MTBP: variants seen among roughly 807,000 people sequenced by gnomAD.
MTBP encodes mdm2-binding protein.
MTBP carries 101 observed loss-of-function variants against 117.0 expected under a neutral mutation model. The observed-to-expected ratio is 0.86, with a 90% CI of 0.73 to 1.02. The LOEUF (loss-of-function observed/expected upper bound fraction) is 1.02. MTBP is among the 50% of genes least tolerant of loss of function. MTBP has a pLI of 0.00. For missense variants in MTBP, 970 were observed against 1,030.9 expected (o/e 0.94, Z 0.81); for synonymous variants, 350 against 351.5 (o/e 1.00, Z 0.05).
chr8:120,484,204 A>G (rs1814160640), intron 11 of MTBP, among the ~76,000 whole-genome samples: 1 of 152,176 alleles, frequency 6.6e-6, no homozygotes, highest in African/African-American at 2.4e-5. Flanking sequence ...TAAAATGGTA[A>G]ATGAATTAAG....
In MTBP at chr8:120,497,666, AAAT is replaced by A. The variant is rs559416769; in HGVS notation, c.1609+120_1609+122del. ...AAATCAAAATGTATTTCACAAATTT[AAAT>A]AATAATAGATACTTATATAGATACA... On this transcript the variant is annotated intron_variant, in intron 14 of 21. Transcript: ENST00000305949. The A allele has an allele frequency of 2.2e-4, 149 of 663,858 alleles. 1 individual carries two copies. The highest frequency in any genetic ancestry group is 2.0e-3 in the African/African-American group (110 of 54,622). The allele number at this position is 663,858 out of a possible 1,614,324, so 41.1% of individuals were successfully genotyped here. A position where few individuals can be genotyped will look rare whatever the true frequency, so the allele number is the denominator to read the frequency against.
intron 7 of MTBP, 129 bp downstream of exon 7, chr8:120,456,799 G>T: frequency 1.5e-6 from 1 of 648,528 alleles, no homozygotes; most frequent in Non-Finnish European, 2.7e-6. Context: ...AGAACTTTCT[G>T]CAATAATTAA....
intron 5 of MTBP, among the ~76,000 whole-genome samples, chr8:120,455,077 T>C (rs1425840782): frequency 6.6e-6 from 1 of 151,926 alleles, no homozygotes; most frequent in Non-Finnish European, 1.5e-5. Context: ...ACAGGTTTTT[T>C]TTTTCTCTGT....
chr8:120,513,130 G>A (rs2130616670), intron 17 of MTBP, among the ~76,000 whole-genome samples: 1 of 152,114 alleles, frequency 6.6e-6, no homozygotes, highest in South Asian at 2.1e-4. Flanking sequence ...AAAATACACT[G>A]TTTTATTAAA....
intron 1 of MTBP, among the ~76,000 whole-genome samples, 152 bp from the exon 2 acceptor site, chr8:120,446,280 AT>A (rs1813225387): frequency 6.6e-6 from 1 of 152,066 alleles, no homozygotes; most frequent in African/African-American, 2.4e-5. Flanking sequence ...ATTGCTTTAG[AT>A]TTTCTGTATC....
chr8:120,507,362 A>G (rs1288171134), intron 16 of MTBP, among the ~76,000 whole-genome samples: 1 of 152,168 alleles, frequency 6.6e-6, no homozygotes, highest in Admixed American at 6.5e-5. Context: ...CTACGTGAAT[A>G]AATTACAACT....
At chr8:120,476,318 T>A (rs145179643) in intron 11 of MTBP, among the ~76,000 whole-genome samples, 2,077 of 152,218 alleles carry the variant, frequency 0.014, 43 homozygotes, top group African/African-American at 0.046. Flanking sequence ...GGGCAAAACC[T>A]GGAAGGATTC....
chr8:120,495,400 T>C (rs1427422845), intron 13 of MTBP, among the ~76,000 whole-genome samples: 1 of 152,206 alleles, frequency 6.6e-6, no homozygotes, highest in Non-Finnish European at 1.5e-5. Flanking sequence ...AGGTTTACTC[T>C]GAGTCACACT....
chr8:120,469,778 CTTAT>C (rs1182256155), intron 10 of MTBP, among the ~76,000 whole-genome samples: 2 of 152,162 alleles, frequency 1.3e-5, no homozygotes, highest in Non-Finnish European at 2.9e-5. Context: ...CATAACCACA[CTTAT>C]TTAAGAACAT....
Position 120,456,702 on chromosome 8 carries a change from G to A in MTBP, c.747+32G>A, listed in dbSNP as rs771501523. ...GGATTATTCACAGTTTGCCAAGTAG[G>A]CCTTTCAATTTTATTTACAACACAG... On this transcript the variant is annotated intron_variant, in intron 7 of 21. Coordinates refer to ENST00000305949, the MANE Select transcript of MTBP (RefSeq NM_022045.5). The A allele has an allele frequency of 2.0e-5, 22 of 1,113,658 alleles. No homozygotes were observed. In the Admixed American group the frequency reaches 4.4e-4, roughly 22 times the overall value. The allele number at this position is 1,113,658 out of a possible 1,614,324, so 69.0% of individuals were successfully genotyped here.
At position 120,482,004 on chromosome 8, in the gene MTBP, C is replaced by T. The variant is rs76129212; in HGVS notation, c.1166-6155C>T. 5.1e-3 allele frequency among the ~76,000 whole-genome samples: 780 copies of T among 152,200 alleles called. 8 individuals carry two copies. The highest frequency in any genetic ancestry group is 0.017 in the African/African-American group (694 of 41,516). On this transcript the variant is annotated intron_variant, in intron 11 of 21. Transcript: ENST00000305949. The stretch of plus-strand genomic sequence containing the variant: ...TCTAAATGCAGAGTTTTGTTTCTCT[C>T]TCTAGTTCAATGATTCTTAACACCA...
intron 11 of MTBP, among the ~76,000 whole-genome samples, chr8:120,479,633 A>C (rs1195270114): frequency 6.6e-6 from 1 of 152,220 alleles, no homozygotes; most frequent in Non-Finnish European, 1.5e-5. Flanking sequence ...GATAGAAATA[A>C]TACACACGAT....
At chr8:120,452,884 T>A (rs1813388639) in intron 4 of MTBP, 1 of 149,910 alleles carries the variant, frequency 6.7e-6, no homozygotes, top group South Asian at 2.1e-4. Context: ...ATAAGTGACC[T>A]AATAATTATT....
At chr8:120,509,311 CT>C (rs1449101523) in intron 16 of MTBP, among the ~76,000 whole-genome samples, 1 of 152,168 alleles carries the variant, frequency 6.6e-6, no homozygotes, top group Non-Finnish European at 1.5e-5. Context: ...AGAAATAAGG[CT>C]GCCTCTTGGC....
intron 7 of MTBP, among the ~76,000 whole-genome samples, chr8:120,458,277 T>C (rs1215639029): frequency 3.9e-5 from 6 of 152,184 alleles, no homozygotes; most frequent in East Asian, 1.9e-4. Context: ...TAGTTTAACG[T>C]AGCATGTTGT....
At position 120,463,687 on chromosome 8, in the gene MTBP, T is replaced by C. The variant is rs755458457; in HGVS notation, c.978-5T>C. 2.5e-6 allele frequency: 4 copies of C among 1,608,754 alleles called. No individual in the cohort carries two copies. Among genetic ancestry groups the C allele is most frequent in the African/African-American group, 2.7e-5 (2 of 74,852 alleles). ...TTACATCATTTCTTTAACTCCTTAG[T>C]ACAGAGGATTGACAAACAGTACCAA... is the stretch of plus-strand genomic sequence containing the variant. On this transcript the variant is annotated splice_region_variant and splice_polypyrimidine_tract_variant and intron_variant, in intron 9 of 21. Transcript: ENST00000305949.
At chr8:120,513,185 A>G (rs1814848141) in intron 17 of MTBP, among the ~76,000 whole-genome samples, 1 of 152,104 alleles carries the variant, frequency 6.6e-6, no homozygotes, top group Non-Finnish European at 1.5e-5. Flanking sequence ...TCATTTGATC[A>G]CACCAGGCTC....
intron 15 of MTBP, among the ~76,000 whole-genome samples, chr8:120,503,345 A>G (rs1814622769): frequency 6.6e-6 from 1 of 152,206 alleles, no homozygotes; most frequent in African/African-American, 2.4e-5. Context: ...TAATGACAGC[A>G]GCAATCAAAA....
chr8:120,506,814 A>T lies in MTBP; in HGVS notation c.1836A>T (p.Ser612=). 1 of 1,613,622 alleles carries T rather than the reference A, an allele frequency of 6.2e-7. No individual in the cohort carries two copies. The highest frequency in any genetic ancestry group is 2.2e-5 in the East Asian group (1 of 44,860). Residue 612 remains serine, a synonymous_variant, in exon 16 of 22, where the codon TCA becomes TCT. Coordinates refer to ENST00000305949, the MANE Select transcript of MTBP (RefSeq NM_022045.5). The part of the protein sequence containing the change: ...DAKELLKYFT[S]DGLPIGDLQP... ...AAGAATTGCTGAAGTACTTTACCTC[A>T]GATGGATTACCCATTGGAGATCTTC...
Sources: allele counts gnomAD v4.1 joint callset (sites outside exome capture counted in the v4.1 genomes callset), GRCh38; gene constraint gnomAD v4.1.1; transcripts MANE v1.5; gene names NCBI Gene and HGNC (gene_info 2026-07-23, HGNC 2026-07-21).